MCM3AP: variants seen among roughly 807,000 people sequenced by gnomAD.
MCM3AP encodes the protein germinal-center associated nuclear protein.
A neutral mutation model predicts 184.1 loss-of-function variants in MCM3AP; 126 were observed. The ratio of observed to expected loss-of-function variants is 0.68; its 90% CI spans 0.59 to 0.79. The LOEUF is 0.79. MCM3AP is among the 30% of genes least tolerant of loss of function. The probability of loss-of-function intolerance (pLI) is 0.00; values close to 1 mark genes in which losing one functional copy is unlikely to be tolerated. For missense variants in MCM3AP, 2,496 were observed against 2,479.2 expected, an observed-to-expected ratio of 1.01 and a Z score of -0.14; for synonymous variants, 1,002 against 979.3, an observed-to-expected ratio of 1.02 and a Z score of -0.43.
intron 8 of MCM3AP, 90 bp downstream of exon 8, chr21:46,272,471 A>G: frequency 1.5e-6 from 2 of 1,306,432 alleles, no homozygotes. Flanking sequence ...ATGCTGCACT[A>G]TTGGCTACTG....
At chr21:46,275,046 T>A (rs955304102) in intron 6 of MCM3AP, 140 bp downstream of exon 6, 8 of 883,158 alleles carry the variant, frequency 9.1e-6, no homozygotes, top group Non-Finnish European at 6.4e-6. Context: ...CATCTCACAA[T>A]GCAAAACAGC....
intron 8 of MCM3AP, 96 bp downstream of exon 8, chr21:46,272,465 T>G: frequency 4.8e-6 from 6 of 1,239,578 alleles, no homozygotes; most frequent in Non-Finnish European, 6.8e-6. Context: ...GACAGAATGC[T>G]GCACTATTGG....
rs1324651996 is a variant in MCM3AP at position 46,275,323 on chromosome 21, G to A, written c.1861C>T (p.Arg621Trp). ...TTGTCCAGATCGGTTCTCTTCACCC[G>A]AGCTAAATGACGTCAAGTAAAAGGT... is the stretch of plus-strand genomic sequence containing the variant. ...DQRDRIMRQARVKRTDLDKAR... is the reference protein window; with the variant it reads ...DQRDRIMRQAWVKRTDLDKAR... Residue 621 changes from arginine (R) to tryptophan (W), a missense_variant and splice_region_variant, in exon 6 of 28, where the codon CGG becomes TGG. Physicochemically the swap from Arg to Trp is moderately radical, Grantham distance 101. Coordinates refer to ENST00000291688, the MANE Select transcript of MCM3AP (RefSeq NM_003906.5). 4.3e-6 allele frequency: 7 copies of A among 1,611,308 alleles called. No homozygotes were observed. The highest frequency in any genetic ancestry group is 1.7e-5 in the Admixed American group (1 of 59,326).
At chr21:46,280,467 A>G (rs941326644) in intron 3 of MCM3AP, 30 bp downstream of exon 3, 7 of 1,483,874 alleles carry the variant, frequency 4.7e-6, no homozygotes, top group Non-Finnish European at 6.5e-6. Flanking sequence ...TAATTTTTTT[A>G]AAAAGTGAAA....
At chr21:46,257,504 C>T (rs1048201356) in intron 16 of MCM3AP, among the ~76,000 whole-genome samples, 3 of 140,150 alleles carry the variant, frequency 2.1e-5, no homozygotes, top group African/African-American at 8.0e-5. Context: ...AAAAAAGATA[C>T]ATATATCCCT....
At chr21:46,264,799 C>CA (rs11374193) in intron 12 of MCM3AP, among the ~76,000 whole-genome samples, 152,058 of 152,096 alleles carry the variant, frequency 1, 76,010 homozygotes, top group Middle Eastern at 1. Flanking sequence ...ACAGCCACCC[C>CA]AGCCATGCCC....
intron 4 of MCM3AP, among the ~76,000 whole-genome samples, chr21:46,278,916 G>A (rs1053451989): frequency 2.1e-5 from 3 of 143,452 alleles, no homozygotes; most frequent in East Asian, 2.1e-4. Flanking sequence ...CTTGTGATCC[G>A]CCCGCCTTGG....
In MCM3AP at chr21:46,280,493, T is replaced by TC. The variant is rs1253780969; in HGVS notation, c.1522+3dup. 1 of 1,589,720 alleles carries TC rather than the reference T, an allele frequency of 6.3e-7. No homozygotes were observed. Among genetic ancestry groups the TC allele is most frequent in the Non-Finnish European group, 8.6e-7 (1 of 1,163,650 alleles). On this transcript the variant is annotated splice_donor_region_variant and intron_variant, in intron 3 of 27. Coordinates refer to ENST00000291688, the MANE Select transcript of MCM3AP (RefSeq NM_003906.5). ...AAAAGTGAAAAGAATAATTGAAAAC[T>TC]CACTTATTTTCTTCCTGTGCCAAAA...
chr21:46,275,441 A>G (rs928368670), intron 5 of MCM3AP, 116 bp from the exon 6 acceptor site: 1 of 856,468 alleles, frequency 1.2e-6, no homozygotes, highest in Admixed American at 3.3e-5. Flanking sequence ...CACACATTAC[A>G]AAAGAAAAGA....
In MCM3AP at chr21:46,274,835, T is replaced by C. The variant is rs113708275; in HGVS notation, c.1998+351A>G. ...CTGTAATCCCAGCTACTCTGTAAGC[T>C]GAGTGAGAGGAGAGGATCACCTGAG... On this transcript the variant is annotated intron_variant, in intron 6 of 27. Coordinates refer to ENST00000291688, the MANE Select transcript of MCM3AP (RefSeq NM_003906.5). 4.0e-5 allele frequency among the ~76,000 whole-genome samples: 6 copies of C among 149,812 alleles called. No homozygotes were observed. In the East Asian group the frequency reaches 1.2e-3, roughly 29 times the overall value.
intron 13 of MCM3AP, among the ~76,000 whole-genome samples, chr21:46,262,610 T>G: frequency 6.6e-6 from 1 of 151,516 alleles, no homozygotes; most frequent in Non-Finnish European, 1.5e-5. Flanking sequence ...ATTGTGCTTC[T>G]GCACTCGGGT....
At chr21:46,281,324 C>A (rs546272894) in intron 2 of MCM3AP, among the ~76,000 whole-genome samples, 1 of 152,006 alleles carries the variant, frequency 6.6e-6, no homozygotes, top group Non-Finnish European at 1.5e-5. Flanking sequence ...CGTGTAGATA[C>A]ACTCATAAAA....
chr21:46,247,047 T>C (rs2080785231), intron 20 of MCM3AP, 161 bp from the exon 21 acceptor site: 3 of 623,106 alleles, frequency 4.8e-6, no homozygotes, highest in Non-Finnish European at 8.3e-6. Context: ...CCTGTAGTTA[T>C]CTTACTTCCT....
intron 2 of MCM3AP, 50 bp downstream of exon 2, chr21:46,283,565 G>T: frequency 1.1e-5 from 14 of 1,275,444 alleles, no homozygotes; most frequent in East Asian, 2.3e-5. Flanking sequence ...AGGTTTTAAA[G>T]TGACAAGGTT....
In MCM3AP at chr21:46,244,809, C is replaced by T; in HGVS notation, c.5036G>A (p.Gly1679Glu). Residue 1679 changes from glycine to glutamate, a missense_variant and splice_region_variant, in exon 23 of 28, where the codon GGG (glycine) becomes GAG (glutamate). Physicochemically the swap from Gly to Glu is moderately conservative, Grantham distance 98. This residue lies in a region of MCM3AP where 1,323 missense variants were observed against 1,273.4 expected (regional missense o/e 1.04). Coordinates refer to ENST00000291688, the MANE Select transcript of MCM3AP (RefSeq NM_003906.5). ...ACCTCCCCAGGTCAAGCACGTACCC[C>T]CCAGGGGTGGAAGGTCCATCTGCGG... ...QLPQMDLPPL[G>E]APWLPVCSMV... The T allele has an allele frequency of 6.2e-7, 1 of 1,611,036 alleles. No homozygotes were observed. Among genetic ancestry groups the T allele is most frequent in the Non-Finnish European group, 8.5e-7 (1 of 1,178,284 alleles).
At position 46,284,290 on chromosome 21, in the gene MCM3AP, G is replaced by T; in HGVS notation, c.997C>A (p.Arg333=). The T allele has an allele frequency of 1.2e-6, 2 of 1,614,152 alleles. No homozygotes were observed. Among genetic ancestry groups the T allele is most frequent in the African/African-American group, 2.7e-5 (2 of 75,026 alleles). Residue 333 remains arginine (R), a synonymous_variant, in exon 1 of 28, where the codon CGG becomes AGG. Coordinates refer to ENST00000291688, the MANE Select transcript of MCM3AP (RefSeq NM_003906.5). ...GTCCGACCAAATAAAGTACCTCCCC[G>T]GGGTCGATTCAGGCGGACAGGTCGT... ...DKRPVRLNRP[R]GGTLFGRTIQ... is the part of the protein sequence containing the mutation.
intron 20 of MCM3AP, chr21:46,251,259 G>A (rs2080863126): frequency 3.7e-6 from 1 of 273,526 alleles, no homozygotes. Flanking sequence ...AAAGTTTTGT[G>A]TACATATTAC....
rs1173445702 is a variant in MCM3AP at position 46,238,099 on chromosome 21, C to CAA, written c.5634-1122_5634-1121dup. On this transcript the variant is annotated intron_variant, in intron 26 of 27. Transcript: ENST00000291688. ...GGGCAACAAGAGCAAAACTCCATCT[C>CAA]AAAAAAAAAAAAAAAAAAATTAGAG... 3.8e-4 allele frequency among the ~76,000 whole-genome samples: 13 copies of CAA among 33,946 alleles called. 2 individuals are homozygous for CAA. Among genetic ancestry groups the CAA allele is most frequent in the Admixed American group, 7.2e-4 (2 of 2,760 alleles). 22.3% of individuals were successfully genotyped at this position (33,946 alleles called of 152,430 possible). A position where few individuals can be genotyped will look rare whatever the true frequency, so the allele number is the denominator to read the frequency against.
Position 46,254,834 on chromosome 21 carries a change from G to A in MCM3AP, c.3943C>T (p.Leu1315Phe), listed in dbSNP as rs1250346371. ...LGISCTRLRR[L>F]RNKTAHQMKV... is the part of the protein sequence containing the mutation. Reference sequence around the variant, plus strand: ...ATCTGGTGAGCTGTCTTGTTTCTGAGCCGCCTTAACCTGCAAAGGAAAGCA... The same window carrying A: ...ATCTGGTGAGCTGTCTTGTTTCTGAACCGCCTTAACCTGCAAAGGAAAGCA... Residue 1315 changes from leucine to phenylalanine, a missense_variant, in exon 18 of 28, where the codon CTC (leucine) becomes TTC (phenylalanine). Transcript: ENST00000291688. The A allele has an allele frequency of 2.5e-6, 4 of 1,614,050 alleles. No homozygotes were observed. In the South Asian group the frequency reaches 3.3e-5, roughly 13 times the overall value.
Sources: allele counts gnomAD v4.1 joint callset (sites outside exome capture counted in the v4.1 genomes callset), GRCh38; gene constraint gnomAD v4.1.1; regional missense constraint gnomAD v4.1.1; transcripts MANE v1.5; gene names NCBI Gene and HGNC (gene_info 2026-07-23, HGNC 2026-07-21).